Variants in SH3GL2 observed in about 807,000 individuals in gnomAD.
The protein encoded by SH3GL2 is SH3 domain containing GRB2 like 2, endophilin A1.
In SH3GL2, 24 loss-of-function variants were observed where a neutral mutation model predicts 46.0. That is an observed-to-expected ratio of 0.52 (90% confidence interval 0.38 to 0.73). The LOEUF (loss-of-function observed/expected upper bound fraction) is 0.73, where lower values mean the gene tolerates loss of function less well. Among genes scored for constraint, SH3GL2 ranks in the 30% least tolerant of loss-of-function variants. SH3GL2 has a pLI of 0.00. For synonymous variants in SH3GL2, 196 were observed against 147.1 expected (o/e 1.33, Z -2.40); for missense variants, 413 against 424.2 (o/e 0.97, Z 0.23).
intron 1 of SH3GL2, among the ~76,000 whole-genome samples, chr9:17,602,450 T>C (rs1006011830): frequency 3.3e-5 from 5 of 152,166 alleles, no homozygotes; most frequent in Admixed American, 6.5e-5. Context: ...GTGTTTTGTA[T>C]CATACCCCAA....
chr9:17,596,983 G>A (rs1369670184), intron 1 of SH3GL2, among the ~76,000 whole-genome samples: 3 of 152,078 alleles, frequency 2.0e-5, no homozygotes, highest in Non-Finnish European at 2.9e-5. Context: ...CAAGTGCTTC[G>A]ACCTCTGAGA....
chr9:17,782,610 C>G (rs1162836682), intron 3 of SH3GL2, among the ~76,000 whole-genome samples: 1 of 152,152 alleles, frequency 6.6e-6, no homozygotes, highest in African/African-American at 2.4e-5. Context: ...TGCTCTCAAA[C>G]CATCCTATGA....
intron 7 of SH3GL2, 56 bp downstream of exon 7, chr9:17,791,390 A>G (rs2131192617): frequency 8.4e-7 from 1 of 1,194,514 alleles, no homozygotes; most frequent in Non-Finnish European, 1.3e-6. Context: ...AAAATGATGT[A>G]TAAAGAAATG....
intron 1 of SH3GL2, among the ~76,000 whole-genome samples, chr9:17,614,026 C>T (rs775103996): frequency 1.3e-4 from 20 of 151,966 alleles, no homozygotes; most frequent in Non-Finnish European, 1.0e-4. Flanking sequence ...CCTTCTTTGG[C>T]GGGTCCACTC....
At chr9:17,794,374 C>T (rs1824221958) in intron 8 of SH3GL2, among the ~76,000 whole-genome samples, 1 of 152,088 alleles carries the variant, frequency 6.6e-6, no homozygotes. Flanking sequence ...TCTCAGGAGA[C>T]TTATTAAGAA....
chr9:17,592,467 G>GA (rs1818502664), intron 1 of SH3GL2, among the ~76,000 whole-genome samples: 2 of 152,104 alleles, frequency 1.3e-5, no homozygotes, highest in African/African-American at 4.8e-5. Flanking sequence ...TTCTTAAATG[G>GA]AAAAATCACT....
intron 2 of SH3GL2, among the ~76,000 whole-genome samples, chr9:17,758,547 G>T: frequency 1.4e-5 from 1 of 73,090 alleles, no homozygotes; most frequent in African/African-American, 4.4e-5. Context: ...GGGGGAGAGA[G>T]TAAGACCCTG....
At chr9:17,648,289 G>C (rs1390525483) in intron 1 of SH3GL2, among the ~76,000 whole-genome samples, 1 of 152,138 alleles carries the variant, frequency 6.6e-6, no homozygotes, top group Non-Finnish European at 1.5e-5. Context: ...AAAAGAACAT[G>C]ATCAAGATTA....
At chr9:17,635,922 G>C (rs1004502241) in intron 1 of SH3GL2, among the ~76,000 whole-genome samples, 5 of 152,146 alleles carry the variant, frequency 3.3e-5, no homozygotes, top group Non-Finnish European at 5.9e-5. Flanking sequence ...TATCAGCCTG[G>C]TCACAGCAGC....
At chr9:17,792,871 C>G (rs1350853679) in intron 7 of SH3GL2, among the ~76,000 whole-genome samples, 6 of 152,168 alleles carry the variant, frequency 3.9e-5, no homozygotes, top group African/African-American at 1.4e-4. Context: ...TGTGTTCTGT[C>G]TCCCTTACAG....
At chr9:17,629,141 G>A (rs1035784868) in intron 1 of SH3GL2, among the ~76,000 whole-genome samples, 25 of 152,100 alleles carry the variant, frequency 1.6e-4, no homozygotes, top group African/African-American at 5.8e-4. Flanking sequence ...GGAGACCTGG[G>A]TTCTAGCCCC....
At chr9:17,582,710 T>G (rs1818299142) in intron 1 of SH3GL2, among the ~76,000 whole-genome samples, 1 of 152,268 alleles carries the variant, frequency 6.6e-6, no homozygotes, top group South Asian at 2.1e-4. Flanking sequence ...ATACATTGTT[T>G]CCCACTTCTT....
chr9:17,783,756 C>T (rs965784802), intron 3 of SH3GL2, among the ~76,000 whole-genome samples: 2 of 152,092 alleles, frequency 1.3e-5, no homozygotes, highest in African/African-American at 4.8e-5. Flanking sequence ...TCACCCAATA[C>T]ATTTCCTTCT....
Position 17,603,179 on chromosome 9 carries a change from T to G in SH3GL2, c.45+23892T>G, listed in dbSNP as rs149294233. On this transcript the variant is annotated intron_variant, in intron 1 of 8. Transcript: ENST00000380607. Reference sequence around the variant, plus strand: ...ATATGTTAAAATATGTTTTTGAACATATTTTGGATCAATTTGTCTTATTAA... The same window carrying G: ...ATATGTTAAAATATGTTTTTGAACAGATTTTGGATCAATTTGTCTTATTAA... Among the ~76,000 whole-genome samples the G allele has an allele frequency of 4.6e-3, 702 of 152,330 alleles. 8 individuals are homozygous for G. The highest frequency in any genetic ancestry group is 0.016 in the African/African-American group (662 of 41,568).
At chr9:17,704,178 A>G (rs1169024857) in intron 1 of SH3GL2, among the ~76,000 whole-genome samples, 2 of 151,364 alleles carry the variant, frequency 1.3e-5, no homozygotes, top group African/African-American at 4.9e-5. Flanking sequence ...CCAAGAACAC[A>G]CTCCCATTCA....
Position 17,771,181 on chromosome 9 carries a change from A to T in SH3GL2, c.187+9672A>T, listed in dbSNP as rs1335569549. ...CCCTGTGGCTTTAGGCTCCTTGGATACCTTACATTGAAGTAGGAGGTAGAT... is the reference window on the plus strand; with the variant it reads ...CCCTGTGGCTTTAGGCTCCTTGGATTCCTTACATTGAAGTAGGAGGTAGAT... On this transcript the variant is annotated intron_variant, in intron 3 of 8. Coordinates refer to ENST00000380607, the MANE Select transcript of SH3GL2 (RefSeq NM_003026.5). Among the ~76,000 whole-genome samples the T allele has an allele frequency of 2.0e-5, 3 of 152,112 alleles. No homozygotes were observed. The East Asian group carries it at 5.8e-4, about 29-fold the overall frequency.
At chr9:17,621,125 C>T (rs1293062967) in intron 1 of SH3GL2, among the ~76,000 whole-genome samples, 3 of 152,120 alleles carry the variant, frequency 2.0e-5, no homozygotes, top group Admixed American at 6.5e-5. Flanking sequence ...ATTTCAATGC[C>T]TGTAGACAGC....
chr9:17,608,303 A>G (rs1818798011), intron 1 of SH3GL2, among the ~76,000 whole-genome samples: 1 of 151,704 alleles, frequency 6.6e-6, no homozygotes, highest in Admixed American at 6.6e-5. Context: ...GCCCACCACC[A>G]CACCTGGCTA....
intron 1 of SH3GL2, among the ~76,000 whole-genome samples, chr9:17,616,105 TTC>T (rs1228837491): frequency 2.0e-5 from 3 of 152,210 alleles, no homozygotes; most frequent in Non-Finnish European, 4.4e-5. Context: ...TTAACACTTA[TTC>T]TACATCAGCC....
Sources: gnomAD v4.1 joint callset for allele counts (sites outside exome capture counted in the v4.1 genomes callset) on GRCh38, gnomAD v4.1.1 for gene constraint, MANE v1.5 for transcripts, NCBI Gene and HGNC (gene_info 2026-07-23, HGNC 2026-07-21) for gene names.